Variants in CUX2 observed in about 807,000 individuals in gnomAD.
CUX2 encodes cut like homeobox 2.
A neutral mutation model predicts 144.8 loss-of-function variants in CUX2; 40 were observed. The ratio of observed to expected loss-of-function variants is 0.28; its 90% CI spans 0.21 to 0.36. The LOEUF is 0.36. Among genes scored for constraint, CUX2 ranks in the 10% least tolerant of loss-of-function variants. CUX2 has a pLI of 1.00. For synonymous variants in CUX2, 827 were observed against 875.6 expected, an observed-to-expected ratio of 0.94 and a Z score of 0.98; for missense variants, 1,615 against 1,994.0, an observed-to-expected ratio of 0.81 and a Z score of 3.62.
chr12:111,119,383 C>T (rs1322448654), intron 1 of CUX2, among the ~76,000 whole-genome samples: 2 of 151,914 alleles, frequency 1.3e-5, no homozygotes, highest in Non-Finnish European at 1.5e-5. Flanking sequence ...GTGGGTGGAT[C>T]GCTTGAGTCC....
Position 111,311,294 on chromosome 12 carries a change from C to CT in CUX2, c.1900+623dup, listed in dbSNP as rs567374190. Among the ~76,000 whole-genome samples the CT allele has an allele frequency of 4.4e-3, 646 of 147,322 alleles. 5 individuals carry two copies. The highest frequency in any genetic ancestry group is 0.014 in the African/African-American group (567 of 40,406). ...GCCATAGTCATTGTCGTCATCATTT[C>CT]TTTTTTTTTTTGAGATGGAATCTCA... On this transcript the variant is annotated intron_variant, in intron 15 of 21. Transcript: ENST00000261726.
At chr12:111,194,225 G>A (rs568582872) in intron 1 of CUX2, among the ~76,000 whole-genome samples, 18 of 152,256 alleles carry the variant, frequency 1.2e-4, no homozygotes, top group Middle Eastern at 3.4e-3. Flanking sequence ...GCTCATCAGC[G>A]AAACAGGAAT....
intron 3 of CUX2, among the ~76,000 whole-genome samples, chr12:111,252,648 T>C (rs1883614410): frequency 6.6e-6 from 1 of 152,070 alleles, no homozygotes. Flanking sequence ...CTTAAGTTCC[T>C]TCCTTATATT....
intron 1 of CUX2, chr12:111,100,239 G>A (rs892717211): frequency 1.4e-5 from 5 of 355,212 alleles, no homozygotes; most frequent in African/African-American, 8.6e-5. Context: ...GTGTCCTTGT[G>A]CCTGTGTGTG....
intron 8 of CUX2, among the ~76,000 whole-genome samples, chr12:111,298,080 C>A (rs571548620): frequency 4.6e-5 from 7 of 152,128 alleles, no homozygotes; most frequent in Non-Finnish European, 8.8e-5. Context: ...TCCCCACGTG[C>A]CCCCCGCGTC....
chr12:111,297,979 G>A (rs755536003), intron 8 of CUX2, among the ~76,000 whole-genome samples: 2 of 152,178 alleles, frequency 1.3e-5, no homozygotes, highest in African/African-American at 2.4e-5. Context: ...AAGAAAGCAG[G>A]GAAGGGTGCT....
rs11065837 is a variant in CUX2 at position 111,246,449 on chromosome 12, A to G, written c.223-17312A>G. Among the ~76,000 whole-genome samples the G allele has an allele frequency of 0.28, 42,885 of 152,014 alleles. 6,558 individuals carry two copies. Among genetic ancestry groups the G allele is most frequent in the East Asian group, 0.47 (2,402 of 5,156 alleles). ...TGCCCAGCACACTGGCCACCCTCCA[A>G]TTCACTGTATTCCTCTTTGTGTGAT... On this transcript the variant is annotated intron_variant, in intron 3 of 21. Coordinates refer to ENST00000261726, the MANE Select transcript of CUX2 (RefSeq NM_015267.4). The surrounding 1 kb of genome is among the most constrained non-coding windows in gnomAD (Gnocchi z 4.0).
intron 1 of CUX2, among the ~76,000 whole-genome samples, chr12:111,038,449 C>T (rs1337474042): frequency 2.0e-5 from 3 of 152,236 alleles, no homozygotes; most frequent in Admixed American, 6.5e-5. Flanking sequence ...CATGGCTCAG[C>T]CCCCTGAGAG....
intron 14 of CUX2, 128 bp downstream of exon 14, chr12:111,308,654 T>C (rs1254567006): frequency 1.4e-5 from 11 of 765,086 alleles, no homozygotes; most frequent in Non-Finnish European, 2.3e-5. Flanking sequence ...CAGGTGTGCA[T>C]TGATTTGGCA....
chr12:111,150,272 T>C (rs949045473), intron 1 of CUX2, among the ~76,000 whole-genome samples: 1 of 152,206 alleles, frequency 6.6e-6, no homozygotes, highest in African/African-American at 2.4e-5. Context: ...ATATATTAAC[T>C]TGATGGGTTA....
chr12:111,109,896 G>C (rs1296088411), intron 1 of CUX2, among the ~76,000 whole-genome samples: 3 of 152,092 alleles, frequency 2.0e-5, no homozygotes, highest in Non-Finnish European at 4.4e-5. Flanking sequence ...TTTGGTTTGA[G>C]ATAGGATCTC....
chr12:111,346,729 G>A (rs910130655), intron 21 of CUX2, among the ~76,000 whole-genome samples: 9 of 152,126 alleles, frequency 5.9e-5, no homozygotes, highest in Non-Finnish European at 1.0e-4. Flanking sequence ...GAAAATAATT[G>A]GGTCCAGGCC....
chr12:111,058,466 T>C lies in CUX2; in HGVS notation c.63+24226T>C, dbSNP rs141455687. ...GAGAAAGATCTGACTTTACTTTAAA[T>C]TGGGGATCTTGGGAGATTTTTACCT... On this transcript the variant is annotated intron_variant, in intron 1 of 21. Coordinates refer to ENST00000261726, the MANE Select transcript of CUX2 (RefSeq NM_015267.4). Among the ~76,000 whole-genome samples the C allele has an allele frequency of 8.0e-4, 122 of 152,260 alleles. 1 individual carries two copies. Among genetic ancestry groups the C allele is most frequent in the Admixed American group, 2.1e-3 (32 of 15,300 alleles).
At chr12:111,235,129 A>G (rs1049519309) in intron 3 of CUX2, among the ~76,000 whole-genome samples, 4 of 152,292 alleles carry the variant, frequency 2.6e-5, no homozygotes, top group Non-Finnish European at 1.5e-5. Context: ...GTTCAGCATG[A>G]TACTAGCACA....
chr12:111,327,013 C>T (rs1250287066), intron 18 of CUX2, among the ~76,000 whole-genome samples: 1 of 152,192 alleles, frequency 6.6e-6, no homozygotes, highest in African/African-American at 2.4e-5. Context: ...GTGTGACCAT[C>T]ACCTCTGTCT....
chr12:111,263,986 G>A lies in CUX2; in HGVS notation c.301+147G>A. 1 of 707,390 alleles carries A rather than the reference G, an allele frequency of 1.4e-6. No homozygotes were observed. Among genetic ancestry groups the A allele is most frequent in the Non-Finnish European group, 2.5e-6 (1 of 407,464 alleles). 43.8% of individuals were successfully genotyped at this position (707,390 alleles called of 1,614,324 possible). On this transcript the variant is annotated intron_variant, in intron 4 of 21. Coordinates refer to ENST00000261726, the MANE Select transcript of CUX2 (RefSeq NM_015267.4). The surrounding 1 kb of genome is among the most constrained non-coding windows in gnomAD (Gnocchi z 4.0). ...CACTCTGTATAGGGCAGGGGGAGCTGTGGCCAGTCTGGTGTGACATGTCCC... is the reference window on the plus strand; with the variant it reads ...CACTCTGTATAGGGCAGGGGGAGCTATGGCCAGTCTGGTGTGACATGTCCC...
At chr12:111,042,929 C>G (rs1405591873) in intron 1 of CUX2, among the ~76,000 whole-genome samples, 1 of 152,036 alleles carries the variant, frequency 6.6e-6, no homozygotes, top group African/African-American at 2.4e-5. Context: ...AGCCACCGTG[C>G]CCAGCCTGTT....
chr12:111,202,401 C>A (rs747467609), intron 1 of CUX2, among the ~76,000 whole-genome samples: 4 of 152,118 alleles, frequency 2.6e-5, no homozygotes, highest in Non-Finnish European at 4.4e-5. Context: ...CGGGGCTTGC[C>A]GACAAGATAA....
rs964803607 is a variant in CUX2, at chr12:111,304,080, C to T, written c.754-130C>T. The stretch of plus-strand genomic sequence containing the variant: ...GTCTTCATAGCTCCAGGACAGGGTC[C>T]GGGACTAGGAAGGCAGGACCTGAGG... On this transcript the variant is annotated intron_variant, in intron 9 of 21. Transcript: ENST00000261726. This position sits in a 1 kb window ranked among gnomAD's most constrained non-coding sequence, Gnocchi z 4.7. 2.1e-5 allele frequency: 14 copies of T among 674,866 alleles called. No homozygotes were observed. Among genetic ancestry groups the T allele is most frequent in the Admixed American group, 4.6e-5 (2 of 43,312 alleles). 41.8% of individuals were successfully genotyped at this position (674,866 alleles called of 1,614,324 possible). A position where few individuals can be genotyped will look rare whatever the true frequency, so the allele number is the denominator to read the frequency against.
Sources: allele counts gnomAD v4.1 joint callset (sites outside exome capture counted in the v4.1 genomes callset), GRCh38; gene constraint gnomAD v4.1.1; non-coding constraint Gnocchi (gnomAD v3.1); transcripts MANE v1.5; gene names NCBI Gene and HGNC (gene_info 2026-07-23, HGNC 2026-07-21).